The following UNC13C variants were observed in gnomAD, a reference collection of about 807,000 sequenced individuals.
UNC13C encodes the protein unc-13 homolog C.
UNC13C carries 174 observed loss-of-function variants against 245.4 expected under a neutral mutation model. That is an observed-to-expected ratio of 0.71 (90% confidence interval 0.63 to 0.80). UNC13C has a LOEUF of 0.80. UNC13C is among the 30% of genes least tolerant of loss of function. The probability of loss-of-function intolerance (pLI) is 0.00; values close to 1 mark genes in which losing one functional copy is unlikely to be tolerated. For synonymous variants in UNC13C, 992 were observed against 895.1 expected, an observed-to-expected ratio of 1.11 and a Z score of -1.93; for missense variants, 2,829 against 2,602.9, an observed-to-expected ratio of 1.09 and a Z score of -1.89.
intron 30 of UNC13C, among the ~76,000 whole-genome samples, chr15:54,619,466 G>A (rs1274031252): frequency 6.6e-6 from 1 of 152,134 alleles, no homozygotes; most frequent in Non-Finnish European, 1.5e-5. Flanking sequence ...ACATGGGTTT[G>A]TAACTGCGAA....
At chr15:53,877,777 A>T in the UNC13C span, among the ~76,000 whole-genome samples, 19 of 152,186 alleles carry the variant, frequency 1.2e-4, no homozygotes, top group Non-Finnish European at 1.6e-4. Context: ...CCTAATAAAG[A>T]CATAGACCAC....
chr15:54,359,340 G>A (rs1201646250), intron 17 of UNC13C, among the ~76,000 whole-genome samples: 1 of 150,890 alleles, frequency 6.6e-6, no homozygotes, highest in Non-Finnish European at 1.5e-5. Context: ...TTTATAAAAT[G>A]AGTTGAAAGT....
At chr15:54,219,123 A>G (rs1163398110) in intron 4 of UNC13C, among the ~76,000 whole-genome samples, 1 of 152,158 alleles carries the variant, frequency 6.6e-6, no homozygotes, top group Non-Finnish European at 1.5e-5. Flanking sequence ...GGAACCAAAA[A>G]AGAGACCGCA....
chr15:54,525,685 G>C, intron 25 of UNC13C, 48 bp downstream of exon 25: 1 of 1,469,356 alleles, frequency 6.8e-7, no homozygotes, highest in Non-Finnish European at 9.4e-7. Context: ...TTAGGTGTCA[G>C]TTCATGATAT....
At chr15:54,501,064 G>A in intron 22 of UNC13C, 86 bp downstream of exon 22, 2 of 1,360,472 alleles carry the variant, frequency 1.5e-6, no homozygotes, top group Non-Finnish European at 2.0e-6. Context: ...AGTCTTCTCT[G>A]TCACCCCATC....
At chr15:54,049,022 C>T (rs1038726978) in intron 2 of UNC13C, 3 of 381,448 alleles carry the variant, frequency 7.9e-6, no homozygotes, top group South Asian at 6.8e-5. Context: ...TTTCTTCCTT[C>T]CCAAATCGTT....
At chr15:54,363,178 G>T (rs1029307628) in intron 17 of UNC13C, among the ~76,000 whole-genome samples, 3 of 152,154 alleles carry the variant, frequency 2.0e-5, no homozygotes, top group African/African-American at 7.2e-5. Context: ...GCACGATCTC[G>T]GCTCACTGCA....
At chr15:54,457,111 C>T (rs536533768) in intron 19 of UNC13C, among the ~76,000 whole-genome samples, 1 of 152,056 alleles carries the variant, frequency 6.6e-6, no homozygotes. Flanking sequence ...TTATCAAATT[C>T]TATTTCTGTG....
At chr15:54,525,427 A>T in intron 24 of UNC13C, 122 bp from the exon 25 acceptor site, 5 of 564,448 alleles carry the variant, frequency 8.9e-6, no homozygotes, top group Non-Finnish European at 8.6e-6. Context: ...AAAAAAAAAA[A>T]GAAGAGAAAA....
intron 30 of UNC13C, among the ~76,000 whole-genome samples, chr15:54,589,510 G>A (rs1238828640): frequency 6.6e-6 from 1 of 151,708 alleles, no homozygotes; most frequent in Non-Finnish European, 1.5e-5. Context: ...TGTTGACCAG[G>A]CTGGTCTTGA....
At chr15:54,549,757 C>T in intron 28 of UNC13C, 66 bp downstream of exon 28, 10 of 992,978 alleles carry the variant, frequency 1.0e-5, no homozygotes, top group Non-Finnish European at 1.5e-5. Context: ...CTGCAAGCAT[C>T]CTCCTCCTAG....
intron 4 of UNC13C, 144 bp downstream of exon 4, chr15:54,143,828 G>T (rs1289378005): frequency 3.6e-6 from 2 of 557,872 alleles, no homozygotes; most frequent in Non-Finnish European, 6.2e-6. Context: ...TGACATTATA[G>T]TGTTTTCTTA....
At chr15:54,169,412 A>G (rs541511650) in intron 4 of UNC13C, among the ~76,000 whole-genome samples, 3 of 152,118 alleles carry the variant, frequency 2.0e-5, no homozygotes, top group African/African-American at 4.8e-5. Flanking sequence ...TTTTCTTTTT[A>G]GTATTTTGCC....
chr15:54,177,326 C>T (rs753218876), intron 4 of UNC13C, among the ~76,000 whole-genome samples: 15 of 152,090 alleles, frequency 9.9e-5, no homozygotes, highest in Non-Finnish European at 1.6e-4. Context: ...GTTGGGTTCT[C>T]TGAAGAGGTT....
chr15:54,039,628 T>A (rs1373786100), intron 2 of UNC13C, among the ~76,000 whole-genome samples: 1 of 152,104 alleles, frequency 6.6e-6, no homozygotes, highest in Non-Finnish European at 1.5e-5. Context: ...ATTTTCCTAC[T>A]TACACTGGCA....
intron 17 of UNC13C, among the ~76,000 whole-genome samples, chr15:54,353,536 G>A (rs929482319): frequency 2.6e-5 from 4 of 152,116 alleles, no homozygotes; most frequent in Non-Finnish European, 5.9e-5. Context: ...TCATCGCAGC[G>A]AAGAGGTACG....
intron 24 of UNC13C, among the ~76,000 whole-genome samples, chr15:54,521,862 T>C (rs545512241): frequency 3.3e-4 from 51 of 152,368 alleles, no homozygotes; most frequent in Middle Eastern, 3.4e-3. Flanking sequence ...TTTATGCTTC[T>C]GTCTATCCTC....
chr15:54,122,621 G>T (rs1318692953), intron 2 of UNC13C, among the ~76,000 whole-genome samples: 1 of 151,860 alleles, frequency 6.6e-6, no homozygotes, highest in Non-Finnish European at 1.5e-5. Context: ...GTTCTGTCAT[G>T]CCCCCTTGTA....
intron 2 of UNC13C, among the ~76,000 whole-genome samples, chr15:54,028,140 A>G (rs888152643): frequency 6.6e-6 from 1 of 152,168 alleles, no homozygotes; most frequent in East Asian, 1.9e-4. Context: ...GTTGGCTGGG[A>G]TCTATGTCAT....
Sources: allele counts gnomAD v4.1 joint callset (sites outside exome capture counted in the v4.1 genomes callset), GRCh38; gene constraint gnomAD v4.1.1; transcripts MANE v1.5; gene names NCBI Gene and HGNC (gene_info 2026-07-23, HGNC 2026-07-21).